Variants in UHRF2 observed in about 807,000 individuals in gnomAD.
UHRF2 encodes E3 ubiquitin-protein ligase UHRF2.
In UHRF2, 23 loss-of-function variants were observed where a neutral mutation model predicts 96.8. The observed-to-expected ratio is 0.24, with a 90% confidence interval of 0.17 to 0.34. The LOEUF is 0.34. Ranked by LOEUF, UHRF2 falls within the 10% of genes least tolerant of loss-of-function variation. UHRF2 has a pLI of 1.00. For missense variants in UHRF2, 685 were observed against 981.5 expected (o/e 0.70, Z 4.04); for synonymous variants, 385 against 332.6 (o/e 1.16, Z -1.72).
intron 2 of UHRF2, among the ~76,000 whole-genome samples, chr9:6,421,647 C>G (rs1388717903): frequency 6.6e-6 from 1 of 152,106 alleles, no homozygotes; most frequent in African/African-American, 2.4e-5. Context: ...GAACTCCTGA[C>G]CTCAGGTGGT....
chr9:6,475,622 A>G (rs1434066720), intron 5 of UHRF2, 122 bp downstream of exon 5: 8 of 433,206 alleles, frequency 1.8e-5, no homozygotes, highest in Non-Finnish European at 3.2e-5. Context: ...ATTTATTTTC[A>G]AGACAACAGT....
Position 6,434,306 on chromosome 9 carries a change from G to A in UHRF2, c.644+133G>A, listed in dbSNP as rs899520411. On this transcript the variant is annotated intron_variant, in intron 3 of 15. Coordinates refer to ENST00000276893, the MANE Select transcript of UHRF2 (RefSeq NM_152896.3). ...GGTTATGTTCATTTGTTACTTTTTG[G>A]TTTTGGTGGTTGTACTCTAATTTAA... 2.6e-6 allele frequency: 3 copies of A among 1,143,694 alleles called. No homozygotes were observed. The Admixed American group carries it at 9.2e-5, about 35-fold the overall frequency. 70.8% of individuals were successfully genotyped at this position (1,143,694 alleles called of 1,614,324 possible). A position where few individuals can be genotyped will look rare whatever the true frequency, so the allele number is the denominator to read the frequency against.
chr9:6,469,723 T>TACAC, intron 4 of UHRF2, among the ~76,000 whole-genome samples: 2 of 150,620 alleles, frequency 1.3e-5, no homozygotes, highest in Non-Finnish European at 3.0e-5. Context: ...CACATATATG[T>TACAC]GCATATATAC....
intron 2 of UHRF2, among the ~76,000 whole-genome samples, chr9:6,425,392 A>G (rs1381600098): frequency 2.0e-5 from 3 of 152,084 alleles, no homozygotes; most frequent in Non-Finnish European, 2.9e-5. Flanking sequence ...CTTCAGGTAC[A>G]TCTTGTATAT....
chr9:6,506,239 G>T lies in UHRF2; in HGVS notation c.*60G>T. 2.5e-6 allele frequency: 4 copies of T among 1,587,014 alleles called. No individual in the cohort carries two copies. The highest frequency in any genetic ancestry group is 3.4e-6 in the Non-Finnish European group (4 of 1,164,698). ...TTTTGGACAATAAAGAATCTAAAAT[G>T]GGTGGGGAGGGTGGAAGAAATGGTG... is the stretch of plus-strand genomic sequence containing the variant. On this transcript the variant is annotated 3_prime_UTR_variant, in exon 16 of 16. Coordinates refer to ENST00000276893, the MANE Select transcript of UHRF2 (RefSeq NM_152896.3).
Position 6,486,832 on chromosome 9 carries a change from A to G in UHRF2, c.1404A>G (p.Ala468=). The G allele has an allele frequency of 6.2e-7, 1 of 1,614,102 alleles. No homozygotes were observed. The highest frequency in any genetic ancestry group is 8.5e-7 in the Non-Finnish European group (1 of 1,179,962). Residue 468 remains alanine (A), a synonymous_variant, in exon 9 of 16, where the codon GCA becomes GCG. Coordinates refer to ENST00000276893, the MANE Select transcript of UHRF2 (RefSeq NM_152896.3). ...TAATTGTTTTATAGGTGAGCGAAGCAGGTGTTCACAGACCCCATGTTGGTG... is the reference window on the plus strand; with the variant it reads ...TAATTGTTTTATAGGTGAGCGAAGCGGGTGTTCACAGACCCCATGTTGGTG... The part of the protein sequence containing the change: ...TWRFRVQVSE[A]GVHRPHVGGI...
intron 3 of UHRF2, among the ~76,000 whole-genome samples, chr9:6,459,160 TACCTAAGTAACAA>T (rs1259582232): frequency 1.3e-5 from 2 of 152,162 alleles, no homozygotes; most frequent in Non-Finnish European, 2.9e-5. Context: ...GGCACCTGTA[TACCTAAGTAACAA>T]ACCTGCACTT....
intron 4 of UHRF2, among the ~76,000 whole-genome samples, chr9:6,472,507 T>G (rs1823304360): frequency 6.6e-6 from 1 of 152,210 alleles, no homozygotes; most frequent in South Asian, 2.1e-4. Flanking sequence ...ACTGGGGGAA[T>G]ATTGTTCTCA....
chr9:6,459,452 T>C (rs984553017), intron 3 of UHRF2, among the ~76,000 whole-genome samples: 4 of 152,130 alleles, frequency 2.6e-5, no homozygotes, highest in Non-Finnish European at 5.9e-5. Flanking sequence ...GTGGATCACC[T>C]GAGGTCAGGA....
chr9:6,439,687 G>T (rs560036688), intron 3 of UHRF2, among the ~76,000 whole-genome samples: 3 of 152,170 alleles, frequency 2.0e-5, no homozygotes, highest in Non-Finnish European at 4.4e-5. Context: ...AACTTTGACA[G>T]CAGAATTATT....
intron 2 of UHRF2, chr9:6,422,520 C>T (rs1328334366): frequency 7.0e-6 from 3 of 427,218 alleles, no homozygotes; most frequent in Admixed American, 4.2e-5. Flanking sequence ...ATGGAGATTG[C>T]ATCTATAGAT....
rs1819417990 is a variant in UHRF2 at position 6,413,633 on chromosome 9, G to GGGGCAA, written c.145_150dup (p.Gly49_Lys50dup). 1 of 1,588,290 alleles carries GGGGCAA rather than the reference G, an allele frequency of 6.3e-7. No individual in the cohort carries two copies. Among genetic ancestry groups the GGGGCAA allele is most frequent in the African/African-American group, 1.4e-5 (1 of 72,972 alleles). ...CCCGAATGCCAGCGCCTCTTCTACC[G>GGGGCAA]GGGCAAGCAGGTGAGGCGCGCCCGC... On this transcript the variant is annotated inframe_insertion, in exon 1 of 16. Transcript: ENST00000276893.
chr9:6,453,090 A>T (rs1017342261), intron 3 of UHRF2, among the ~76,000 whole-genome samples: 1 of 152,166 alleles, frequency 6.6e-6, no homozygotes, highest in South Asian at 2.1e-4. Flanking sequence ...TTAACTATGT[A>T]TGTGTATGAG....
intron 9 of UHRF2, among the ~76,000 whole-genome samples, chr9:6,491,373 T>G (rs1824650067): frequency 6.6e-6 from 1 of 152,202 alleles, no homozygotes; most frequent in Non-Finnish European, 1.5e-5. Flanking sequence ...TAATTATACG[T>G]AAAATGCTTC....
In UHRF2 at chr9:6,453,039, A is replaced by G. The variant is rs529046951; in HGVS notation, c.645-7534A>G. On this transcript the variant is annotated intron_variant, in intron 3 of 15. Transcript: ENST00000276893. The stretch of plus-strand genomic sequence containing the variant: ...CTTACTGTCTCCTTGGTTAGAATTT[A>G]AAAATGTATGCTTCATTTTCATGAC... Among the ~76,000 whole-genome samples, 6 of 152,266 alleles carry G rather than the reference A, an allele frequency of 3.9e-5. No homozygotes were observed. The South Asian group carries it at 1.0e-3, about 26-fold the overall frequency.
At chr9:6,430,045 ACT>A (rs1227319957) in intron 2 of UHRF2, among the ~76,000 whole-genome samples, 1 of 151,932 alleles carries the variant, frequency 6.6e-6, no homozygotes, top group African/African-American at 2.4e-5. Context: ...ATGGAGTTTT[ACT>A]CTTTTTGCCC....
intron 3 of UHRF2, 135 bp from the exon 4 acceptor site, chr9:6,460,438 C>T: frequency 1.5e-6 from 1 of 666,366 alleles, no homozygotes; most frequent in Non-Finnish European, 2.5e-6. Flanking sequence ...ATAACACCTG[C>T]TATTTAAGGA....
intron 3 of UHRF2, among the ~76,000 whole-genome samples, chr9:6,443,525 C>G (rs1821306534): frequency 6.6e-6 from 1 of 152,208 alleles, no homozygotes; most frequent in South Asian, 2.1e-4. Flanking sequence ...AAAACACCAT[C>G]TATCTATAGC....
At chr9:6,480,807 G>A (rs1377413537) in intron 6 of UHRF2, among the ~76,000 whole-genome samples, 4 of 152,164 alleles carry the variant, frequency 2.6e-5, no homozygotes, top group Non-Finnish European at 4.4e-5. Flanking sequence ...CAAGATCAGG[G>A]ACTGAATTAT....
Sources: gnomAD v4.1 joint callset for allele counts (sites outside exome capture counted in the v4.1 genomes callset) on GRCh38, gnomAD v4.1.1 for gene constraint, MANE v1.5 for transcripts, NCBI Gene and HGNC (gene_info 2026-07-23, HGNC 2026-07-21) for gene names.